ARHGAP22: variants seen among roughly 807,000 people sequenced by gnomAD.
ARHGAP22 encodes Rho GTPase activating protein 22.
Under a neutral mutation model 59.1 loss-of-function variants are expected in ARHGAP22, and 48 were observed. The ratio of observed to expected loss-of-function variants is 0.81; its 90% CI spans 0.64 to 1.03. ARHGAP22 has a LOEUF of 1.03. Ranked by LOEUF, ARHGAP22 falls within the 50% of genes least tolerant of loss-of-function variation. ARHGAP22 has a pLI of 0.00. For synonymous variants in ARHGAP22, 445 were observed against 416.4 expected (o/e 1.07, Z -0.84); for missense variants, 1,015 against 958.7 (o/e 1.06, Z -0.78).
At position 48,446,404 on chromosome 10, in the gene ARHGAP22, C is replaced by T. The variant is rs1338923182; in HGVS notation, c.2084G>A (p.Arg695Lys). 2 of 1,614,034 alleles carry T rather than the reference C, an allele frequency of 1.2e-6. No individual in the cohort carries two copies. The highest frequency in any genetic ancestry group is 1.1e-5 in the South Asian group (1 of 91,074). The change falls in exon 10 of 10, where the codon AGG becomes AAG. Residue 695 changes from arginine (R) to lysine (K), a missense_variant. Transcript: ENST00000249601. ...GSLTVGAKGA[R>K]APK ...CTGCCATTCCTTTTACTTTGGGGCCCTGGCACCTTTTGCCCCAACAGTCAA... is the reference window on the plus strand; with the variant it reads ...CTGCCATTCCTTTTACTTTGGGGCCTTGGCACCTTTTGCCCCAACAGTCAA...
chr10:48,440,330 A>G, the ARHGAP22 span, among the ~76,000 whole-genome samples: 15 of 152,128 alleles, frequency 9.9e-5, no homozygotes, highest in Admixed American at 7.2e-4. Flanking sequence ...CATGTACTTT[A>G]CTTAATTTCA....
In ARHGAP22 at chr10:48,459,821, CA is replaced by C. The variant is rs1554852805; in HGVS notation, c.521del (p.Leu174ArgfsTer30). The C allele has an allele frequency of 1.2e-6, 2 of 1,613,536 alleles. No individual in the cohort carries two copies. Among genetic ancestry groups the C allele is most frequent in the Non-Finnish European group, 1.7e-6 (2 of 1,180,048 alleles). Reference sequence around the variant, plus strand: ...TGAAGTCCACACACTGCTCCACCAGCAGGGGCGCCAGGCGGGGGCCATACTT... The same window carrying C: ...TGAAGTCCACACACTGCTCCACCAGCGGGGCGCCAGGCGGGGGCCATACTT... ...ERKYGPRLAPLLVEQCVDFIR... is the reference protein window; with the variant it reads ...ERKYGPRLAPXLVEQCVDFIR... On this transcript the variant is annotated frameshift_variant, in exon 5 of 10. Transcript: ENST00000249601. LOFTEE classifies it high-confidence loss of function.
At chr10:48,635,288 T>A (rs1022651503) in intron 1 of ARHGAP22, among the ~76,000 whole-genome samples, 1 of 152,234 alleles carries the variant, frequency 6.6e-6, no homozygotes, top group East Asian at 1.9e-4. Flanking sequence ...CAGGCATGAC[T>A]AGTTTCATAC....
At chr10:48,454,447 A>G (rs11101326) in intron 6 of ARHGAP22, among the ~76,000 whole-genome samples, 27,796 of 152,080 alleles carry the variant, frequency 0.18, 2,823 homozygotes, top group South Asian at 0.28. Context: ...ATCAAGACAC[A>G]AATATTTGCC....
chr10:48,453,444 G>A lies in ARHGAP22; in HGVS notation c.867-19C>T, dbSNP rs1364346420. 6.2e-7 allele frequency: 1 copy of A among 1,612,900 alleles called. No homozygotes were observed. Among genetic ancestry groups the A allele is most frequent in the African/African-American group, 1.3e-5 (1 of 74,934 alleles). ...CAGAAACCTGCAAAGTAAGGAAGCA[G>A]CAGTCATCAAAGAAGCAAGTTGTGA... On this transcript the variant is annotated intron_variant, in intron 7 of 9. Coordinates refer to ENST00000249601, the MANE Select transcript of ARHGAP22 (RefSeq NM_021226.4).
At chr10:48,431,657 GTCTT>G in the ARHGAP22 span, among the ~76,000 whole-genome samples, 3 of 152,142 alleles carry the variant, frequency 2.0e-5, no homozygotes. Context: ...CCAAATTGCT[GTCTT>G]TCTCTTTTTG....
intron 3 of ARHGAP22, among the ~76,000 whole-genome samples, chr10:48,537,229 G>A (rs931407518): frequency 4.6e-5 from 7 of 152,204 alleles, no homozygotes; most frequent in Admixed American, 4.6e-4. Context: ...CTCTGCTCTG[G>A]TGCATCAGCC....
rs767883296 is a variant in ARHGAP22, at chr10:48,453,313, T to G, written c.979A>C (p.Ile327Leu). Reference protein sequence around the residue: ...LRPQVEDPVTIMEGTSLVQHL... With the variant: ...LRPQVEDPVTLMEGTSLVQHL... ...TACACCTCCCACTTACCTTCCATGA[T>G]GGTTACTGGGTCCTCTACCTGTGGC... is the stretch of plus-strand genomic sequence containing the variant. Residue 327 changes from isoleucine to leucine, a missense_variant, in exon 8 of 10, where the codon ATC becomes CTC. Coordinates refer to ENST00000249601, the MANE Select transcript of ARHGAP22 (RefSeq NM_021226.4). 1.2e-6 allele frequency: 2 copies of G among 1,613,786 alleles called. No homozygotes were observed. Among genetic ancestry groups the G allele is most frequent in the African/African-American group, 1.3e-5 (1 of 75,034 alleles).
At chr10:48,521,585 A>G (rs796257742) in intron 3 of ARHGAP22, among the ~76,000 whole-genome samples, 1 of 152,256 alleles carries the variant, frequency 6.6e-6, no homozygotes, top group Non-Finnish European at 1.5e-5. Context: ...AATGATATCA[A>G]TGATTAATGG....
the ARHGAP22 span, chr10:48,431,395 T>TAA: frequency 1.5e-6 from 1 of 664,470 alleles, no homozygotes; most frequent in Non-Finnish European, 2.6e-6. Context: ...TTAATAAGTA[T>TAA]AAGGAAATAC....
At chr10:48,518,689 G>C (rs1749377779) in intron 3 of ARHGAP22, among the ~76,000 whole-genome samples, 1 of 152,192 alleles carries the variant, frequency 6.6e-6, no homozygotes, top group African/African-American at 2.4e-5. Context: ...TGAGCAAGTA[G>C]GGAGCAGTGA....
intron 1 of ARHGAP22, among the ~76,000 whole-genome samples, chr10:48,636,255 T>G (rs557992347): frequency 2.0e-5 from 3 of 152,330 alleles, no homozygotes; most frequent in Admixed American, 2.0e-4. Flanking sequence ...ATGTTAGCTG[T>G]GGGGACACTG....
intron 2 of ARHGAP22, among the ~76,000 whole-genome samples, chr10:48,557,297 CTTTGCTGT>C (rs1409622648): frequency 6.6e-6 from 1 of 152,100 alleles, no homozygotes; most frequent in Non-Finnish European, 1.5e-5. Flanking sequence ...ATTCTAGGTA[CTTTGCTGT>C]TTTTTTTCCT....
chr10:48,596,270 T>C (rs961076044), intron 1 of ARHGAP22, among the ~76,000 whole-genome samples: 1 of 152,200 alleles, frequency 6.6e-6, no homozygotes, highest in Non-Finnish European at 1.5e-5. Flanking sequence ...TTATGGGGCC[T>C]CCCGTATGCC....
intron 2 of ARHGAP22, among the ~76,000 whole-genome samples, chr10:48,564,216 C>T (rs945368592): frequency 6.6e-6 from 1 of 152,062 alleles, no homozygotes; most frequent in Non-Finnish European, 1.5e-5. Context: ...GGATGCATAA[C>T]AATCCTCAAT....
chr10:48,479,854 G>C, intron 3 of ARHGAP22, 90 bp from the exon 4 acceptor site: 1 of 1,313,090 alleles, frequency 7.6e-7, no homozygotes. Context: ...CTCCCTGTGG[G>C]ATATTCCCAA....
At chr10:48,585,771 C>T (rs564605417) in intron 1 of ARHGAP22, among the ~76,000 whole-genome samples, 129 of 152,350 alleles carry the variant, frequency 8.5e-4, no homozygotes, top group African/African-American at 3.0e-3. Flanking sequence ...GGGTTGAATG[C>T]TCTAGCCTTG....
intron 7 of ARHGAP22, 102 bp from the exon 8 acceptor site, chr10:48,453,527 G>A: frequency 6.5e-7 from 1 of 1,547,236 alleles, no homozygotes; most frequent in Non-Finnish European, 8.8e-7. Flanking sequence ...GAGCCCTGCT[G>A]CCTGTGGGCT....
intron 1 of ARHGAP22, among the ~76,000 whole-genome samples, chr10:48,602,322 G>T (rs10491034): frequency 0.023 from 3,461 of 152,162 alleles, 114 homozygotes; most frequent in East Asian, 0.13. Context: ...CCTATAACTT[G>T]GCCCATCAGT....
Sources: allele counts gnomAD v4.1 joint callset (sites outside exome capture counted in the v4.1 genomes callset), GRCh38; gene constraint gnomAD v4.1.1; transcripts MANE v1.5; gene names NCBI Gene and HGNC (gene_info 2026-07-23, HGNC 2026-07-21).